Variants in OSBPL1A observed in about 807,000 individuals in gnomAD.
OSBPL1A encodes oxysterol-binding protein-related protein 1.
OSBPL1A carries 80 observed loss-of-function variants against 137.1 expected under a neutral mutation model. The ratio of observed to expected loss-of-function variants is 0.58; its 90% CI spans 0.49 to 0.70. The LOEUF is 0.70. Ranked by LOEUF, OSBPL1A falls within the 30% of genes least tolerant of loss-of-function variation. OSBPL1A has a pLI of 0.00. For missense variants in OSBPL1A, 970 were observed against 1,129.4 expected (o/e 0.86, Z 2.02); for synonymous variants, 365 against 389.7 (o/e 0.94, Z 0.75).
intron 18 of OSBPL1A, among the ~76,000 whole-genome samples, chr18:24,186,888 A>C (rs1230925925): frequency 7.5e-6 from 1 of 134,182 alleles, no homozygotes; most frequent in Admixed American, 8.3e-5. Context: ...TGGGCGACAG[A>C]ACAAGACTCT....
At chr18:24,321,819 A>AG (rs1644076176) in intron 7 of OSBPL1A, 1 of 441,376 alleles carries the variant, frequency 2.3e-6, no homozygotes, top group South Asian at 1.7e-5. Flanking sequence ...TTCAGGGAGT[A>AG]GGAAGAGATA....
chr18:24,359,848 A>G (rs1457911796), intron 4 of OSBPL1A, among the ~76,000 whole-genome samples: 1 of 152,228 alleles, frequency 6.6e-6, no homozygotes, highest in Non-Finnish European at 1.5e-5. Flanking sequence ...AACAAATACT[A>G]AACACAGTAT....
chr18:24,198,311 C>T (rs191870569), intron 17 of OSBPL1A, among the ~76,000 whole-genome samples: 42 of 152,278 alleles, frequency 2.8e-4, no homozygotes, highest in African/African-American at 8.4e-4. Context: ...GAGAGACATT[C>T]GAGCTTTGTA....
intron 12 of OSBPL1A, among the ~76,000 whole-genome samples, chr18:24,312,457 G>T (rs1288075086): frequency 6.6e-6 from 1 of 152,028 alleles, no homozygotes; most frequent in Non-Finnish European, 1.5e-5. Context: ...TAACCTAACA[G>T]AATAAGTTAC....
chr18:24,334,701 A>G (rs117003296), intron 5 of OSBPL1A, among the ~76,000 whole-genome samples: 111 of 152,354 alleles, frequency 7.3e-4, no homozygotes, highest in Non-Finnish European at 1.3e-3. Flanking sequence ...TAGCACTGAT[A>G]GAAAGATGTA....
At position 24,384,993 on chromosome 18, in the gene OSBPL1A, T is replaced by C. The variant is rs1786668; in HGVS notation, c.-2-7458A>G. Among the ~76,000 whole-genome samples, 1,222 of 151,206 alleles carry C rather than the reference T, an allele frequency of 8.1e-3. 15 individuals are homozygous for C. Among genetic ancestry groups the C allele is most frequent in the African/African-American group, 0.024 (989 of 41,256 alleles). On this transcript the variant is annotated intron_variant, in intron 1 of 27. Coordinates refer to ENST00000319481, the MANE Select transcript of OSBPL1A (RefSeq NM_080597.4). ...TTTTTGAGATGGAGTCTTGCTCTGT[T>C]GGCCAGGCTGGAGTGCAGTGGCACA...
At chr18:24,356,851 T>C (rs976301262) in intron 4 of OSBPL1A, among the ~76,000 whole-genome samples, 1 of 152,146 alleles carries the variant, frequency 6.6e-6, no homozygotes, top group Non-Finnish European at 1.5e-5. Flanking sequence ...AGATGGAATG[T>C]GGAGGATGAC....
intron 6 of OSBPL1A, among the ~76,000 whole-genome samples, chr18:24,333,741 G>A (rs1361690700): frequency 1.3e-5 from 2 of 152,124 alleles, no homozygotes; most frequent in Non-Finnish European, 2.9e-5. Flanking sequence ...CTAAGGTGGC[G>A]GGGAACAGGC....
intron 4 of OSBPL1A, chr18:24,347,736 G>GGA (rs1265498796): frequency 1.3e-5 from 2 of 151,156 alleles, no homozygotes; most frequent in Non-Finnish European, 2.9e-5. Flanking sequence ...CAACTACTCG[G>GGA]GAGGGTGAGG....
chr18:24,236,879 A>G (rs1332333370), intron 16 of OSBPL1A, among the ~76,000 whole-genome samples: 1 of 152,188 alleles, frequency 6.6e-6, no homozygotes, highest in Admixed American at 6.5e-5. Flanking sequence ...TTAAAATATT[A>G]CTGAGAAACA....
chr18:24,301,950 C>G (rs1038513823), intron 14 of OSBPL1A, among the ~76,000 whole-genome samples: 1 of 152,150 alleles, frequency 6.6e-6, no homozygotes, highest in African/African-American at 2.4e-5. Flanking sequence ...TAATCATGGC[C>G]GGGCGTGGTG....
At chr18:24,326,119 A>G (rs1465177300) in intron 7 of OSBPL1A, among the ~76,000 whole-genome samples, 1 of 152,216 alleles carries the variant, frequency 6.6e-6, no homozygotes, top group Non-Finnish European at 1.5e-5. Flanking sequence ...AAAAAAACAT[A>G]CAGAATTGTT....
intron 15 of OSBPL1A, among the ~76,000 whole-genome samples, chr18:24,255,190 C>T (rs140861796): frequency 2.5e-3 from 387 of 152,258 alleles, no homozygotes; most frequent in African/African-American, 9.1e-3. Context: ...TAACAAGTAT[C>T]TAGATAAAAG....
intron 20 of OSBPL1A, 100 bp downstream of exon 20, chr18:24,179,638 G>T: frequency 1.0e-6 from 1 of 959,558 alleles, no homozygotes; most frequent in Non-Finnish European, 1.6e-6. Flanking sequence ...TTGTTAACTT[G>T]CTCCAGTCCT....
At chr18:24,197,731 T>C (rs2087076130) in intron 17 of OSBPL1A, among the ~76,000 whole-genome samples, 1 of 152,038 alleles carries the variant, frequency 6.6e-6, no homozygotes, top group Admixed American at 6.6e-5. Flanking sequence ...ATGTATAATA[T>C]AGTTTTAGAG....
In OSBPL1A at chr18:24,354,421, C is replaced by T. The variant is rs566007859; in HGVS notation, c.282+12471G>A. 7.9e-5 allele frequency among the ~76,000 whole-genome samples: 12 copies of T among 152,162 alleles called. No homozygotes were observed. The East Asian group carries it at 1.7e-3, about 22-fold the overall frequency. On this transcript the variant is annotated intron_variant, in intron 4 of 27. Transcript: ENST00000319481. ...TAAGGTTGAGGGTGAAGCAGGAACACGGGGGAACACCTTCCAGTGAATCAG... is the reference window on the plus strand; with the variant it reads ...TAAGGTTGAGGGTGAAGCAGGAACATGGGGGAACACCTTCCAGTGAATCAG...
intron 7 of OSBPL1A, among the ~76,000 whole-genome samples, chr18:24,321,041 AAAAAG>A (rs1429658005): frequency 5.7e-5 from 4 of 70,416 alleles, no homozygotes; most frequent in African/African-American, 1.1e-4. Context: ...AAAAAAAAAA[AAAAAG>A]AAAAGAAAAG....
intron 17 of OSBPL1A, among the ~76,000 whole-genome samples, chr18:24,218,787 G>C (rs562313328): frequency 3.3e-5 from 5 of 152,132 alleles, no homozygotes; most frequent in African/African-American, 9.6e-5. Context: ...TTATATACTT[G>C]AAAATCACTA....
At chr18:24,180,068 T>C (rs577263096) in intron 19 of OSBPL1A, among the ~76,000 whole-genome samples, 7 of 152,192 alleles carry the variant, frequency 4.6e-5, no homozygotes, top group African/African-American at 1.2e-4. Flanking sequence ...TTCATCACAC[T>C]CTAACAGTGC....
Sources: gnomAD v4.1 joint callset for allele counts (sites outside exome capture counted in the v4.1 genomes callset) on GRCh38, gnomAD v4.1.1 for gene constraint, MANE v1.5 for transcripts, NCBI Gene and HGNC (gene_info 2026-07-23, HGNC 2026-07-21) for gene names.